Variants in ZUP1 observed in about 807,000 individuals in gnomAD.
ZUP1 encodes the protein zinc finger-containing ubiquitin peptidase 1.
A neutral mutation model predicts 68.1 loss-of-function variants in ZUP1; 55 were observed. The observed-to-expected ratio is 0.81, with a 90% confidence interval of 0.65 to 1.01. The LOEUF (loss-of-function observed/expected upper bound fraction) is 1.01. Ranked by LOEUF, ZUP1 falls within the 50% of genes least tolerant of loss-of-function variation. The pLI is 0.00. For missense variants in ZUP1, 684 were observed against 674.9 expected (o/e 1.01, Z -0.15); for synonymous variants, 223 against 221.5 (o/e 1.01, Z -0.06).
At chr6:116,645,538 A>G (rs1288952267) in intron 9 of ZUP1, among the ~76,000 whole-genome samples, 176 bp downstream of exon 9, 1 of 148,920 alleles carries the variant, frequency 6.7e-6, no homozygotes, top group East Asian at 2.0e-4. Flanking sequence ...TCATGATTGC[A>G]TGCCACTGCA....
intron 8 of ZUP1, 91 bp from the exon 9 acceptor site, chr6:116,646,025 G>A: frequency 4.6e-6 from 4 of 871,470 alleles, no homozygotes; most frequent in Non-Finnish European, 5.2e-6. Flanking sequence ...TCATATGTGT[G>A]TTTAGAATAT....
At chr6:116,648,839 A>G (rs1297863747) in intron 7 of ZUP1, among the ~76,000 whole-genome samples, 1 of 151,924 alleles carries the variant, frequency 6.6e-6, no homozygotes, top group Non-Finnish European at 1.5e-5. Flanking sequence ...GCATGGTGGC[A>G]CATGCCTGTA....
intron 9 of ZUP1, among the ~76,000 whole-genome samples, chr6:116,642,707 A>G (rs1479136203): frequency 3.9e-5 from 6 of 152,206 alleles, no homozygotes; most frequent in Admixed American, 3.9e-4. Context: ...AGAGCTATCT[A>G]TGACAAACCC....
Position 116,656,760 on chromosome 6 carries a change from A to G in ZUP1, c.885T>C (p.Ser295=), listed in dbSNP as rs149420254. ...IEVNRGRMPP[S]EFHRRKADMM... is the part of the protein sequence containing the mutation. ...TATCAGCTTTTCTCCTATGAAATTC[A>G]GATGGAGGCATTCTTCCCCTATTTA... The change falls in exon 5 of 10, where the codon TCT becomes TCC. Residue 295 remains serine, a synonymous_variant. Coordinates refer to ENST00000368576, the MANE Select transcript of ZUP1 (RefSeq NM_145062.3). The G allele has an allele frequency of 2.5e-6, 4 of 1,612,482 alleles. No homozygotes were observed. In the African/African-American group the frequency reaches 4.0e-5, roughly 16 times the overall value.
At chr6:116,646,203 C>T (rs1019468323) in intron 8 of ZUP1, 1 of 275,260 alleles carries the variant, frequency 3.6e-6, no homozygotes. Flanking sequence ...ATCCTTTGAT[C>T]CTTCTTATTC....
intron 9 of ZUP1, among the ~76,000 whole-genome samples, chr6:116,642,885 G>A (rs1351471894): frequency 6.6e-6 from 1 of 152,118 alleles, no homozygotes; most frequent in East Asian, 1.9e-4. Context: ...TAGGAAAAGA[G>A]GAAGTCAAAT....
intron 9 of ZUP1, among the ~76,000 whole-genome samples, chr6:116,637,938 T>C (rs1478901724): frequency 2.0e-5 from 3 of 152,106 alleles, no homozygotes; most frequent in Admixed American, 6.5e-5. Flanking sequence ...GGCACACGCC[T>C]GTAATCCCAA....
chr6:116,646,796 A>C (rs1465790379), intron 8 of ZUP1, among the ~76,000 whole-genome samples: 1 of 152,024 alleles, frequency 6.6e-6, no homozygotes, highest in Non-Finnish European at 1.5e-5. Context: ...GGCTGGTCTC[A>C]AACTGCTGGG....
rs539526461 is a variant in ZUP1, at chr6:116,643,313, T to C, written c.1689+2401A>G. Among the ~76,000 whole-genome samples the C allele has an allele frequency of 6.6e-5, 10 of 151,422 alleles. No homozygotes were observed. The East Asian group carries it at 1.9e-3, about 29-fold the overall frequency. ...ATCCCCATCAAGCTACCAATGACTT[T>C]CTTCACAGAATTGGAAAAAACTACT... On this transcript the variant is annotated intron_variant, in intron 9 of 9. Transcript: ENST00000368576.
intron 9 of ZUP1, among the ~76,000 whole-genome samples, chr6:116,638,540 A>C (rs1351373119): frequency 1.3e-5 from 2 of 152,240 alleles, no homozygotes; most frequent in Non-Finnish European, 2.9e-5. Context: ...ATAGAGCCTT[A>C]GGAGTCACAA....
chr6:116,661,207 T>C (rs1202726918), intron 2 of ZUP1, among the ~76,000 whole-genome samples: 8 of 152,064 alleles, frequency 5.3e-5, no homozygotes, highest in Non-Finnish European at 1.0e-4. Flanking sequence ...CTTTTAGATT[T>C]TTTCACCCCA....
chr6:116,638,743 C>T (rs558139233), intron 9 of ZUP1, among the ~76,000 whole-genome samples: 8 of 152,330 alleles, frequency 5.3e-5, no homozygotes, highest in African/African-American at 1.9e-4. Context: ...CGGTCTACAG[C>T]TCCCAGCATG....
At chr6:116,654,547 A>G (rs1236295367) in intron 5 of ZUP1, among the ~76,000 whole-genome samples, 1 of 152,024 alleles carries the variant, frequency 6.6e-6, no homozygotes, top group African/African-American at 2.4e-5. Context: ...TAAGACACAA[A>G]TAATAAATAG....
At chr6:116,638,459 AAAGAC>A (rs1199037832) in intron 9 of ZUP1, among the ~76,000 whole-genome samples, 2 of 152,172 alleles carry the variant, frequency 1.3e-5, no homozygotes, top group Admixed American at 6.5e-5. Context: ...TGCAAGGAAT[AAAGAC>A]AAGAGGAAAT....
chr6:116,663,814 G>C (rs1392360568), intron 2 of ZUP1, among the ~76,000 whole-genome samples: 1 of 151,958 alleles, frequency 6.6e-6, no homozygotes, highest in Non-Finnish European at 1.5e-5. Context: ...GGGCGTGGTG[G>C]TGCAGGCCTG....
rs748913699 is a variant in ZUP1 at position 116,647,562 on chromosome 6, G to T, written c.1365C>A (p.His455Gln). The change falls in exon 8 of 10, where the codon CAC (histidine) becomes CAA (glutamine). Residue 455 changes from histidine (H) to glutamine (Q), a missense_variant. Transcript: ENST00000368576. Reference protein sequence around the residue: ...FHKSTGPLGTHPRLFEWILNY... With the variant: ...FHKSTGPLGTQPRLFEWILNY... ...TCAATATCCATTCAAATAAGCGAGG[G>T]TGTGTACCCAAAGGACCAGTTGATT... 6.3e-7 allele frequency: 1 copy of T among 1,597,676 alleles called. No individual in the cohort carries two copies. The highest frequency in any genetic ancestry group is 8.6e-7 in the Non-Finnish European group (1 of 1,168,644).
At chr6:116,665,744 T>C (rs1275581805) in intron 2 of ZUP1, among the ~76,000 whole-genome samples, 1 of 145,886 alleles carries the variant, frequency 6.9e-6, no homozygotes, top group Admixed American at 6.9e-5. Context: ...TAGGCCTGGC[T>C]AGTTTTTTGG....
At chr6:116,639,402 C>T (rs1054914301) in intron 9 of ZUP1, among the ~76,000 whole-genome samples, 20 of 152,364 alleles carry the variant, frequency 1.3e-4, no homozygotes, top group African/African-American at 4.6e-4. Context: ...GGGTCCCTGA[C>T]CCCTGACCCC....
intron 6 of ZUP1, 71 bp from the exon 7 acceptor site, chr6:116,651,808 T>C (rs1374008608): frequency 1.9e-6 from 3 of 1,552,200 alleles, no homozygotes; most frequent in Non-Finnish European, 1.8e-6. Context: ...CAGTGTATTA[T>C]GTACTCGGGG....
Sources: gnomAD v4.1 joint callset for allele counts (sites outside exome capture counted in the v4.1 genomes callset) on GRCh38, gnomAD v4.1.1 for gene constraint, MANE v1.5 for transcripts, NCBI Gene and HGNC (gene_info 2026-07-23, HGNC 2026-07-21) for gene names.